Variants in DLGAP2 observed in about 807,000 individuals in gnomAD.
DLGAP2 encodes disks large-associated protein 2.
In DLGAP2, 26 loss-of-function variants were observed where a neutral mutation model predicts 100.3. The observed-to-expected ratio is 0.26, with a 90% CI of 0.19 to 0.36. The LOEUF is 0.36. DLGAP2 is among the 10% of genes least tolerant of loss of function. The pLI is 1.00. For missense variants in DLGAP2, 1,858 were observed against 1,453.2 expected, an observed-to-expected ratio of 1.28 and a Z score of -4.53; for synonymous variants, 886 against 630.1, an observed-to-expected ratio of 1.41 and a Z score of -6.08.
intron 3 of DLGAP2, among the ~76,000 whole-genome samples, chr8:1,408,658 T>C (rs1660133263): frequency 6.6e-6 from 1 of 152,180 alleles, no homozygotes; most frequent in East Asian, 1.9e-4. Context: ...AAATGTATCT[T>C]GGATGTTTGA....
At chr8:1,619,936 C>A (rs1231710235) in intron 6 of DLGAP2, 1 of 152,216 alleles carries the variant, frequency 6.6e-6, no homozygotes, top group Non-Finnish European at 1.5e-5. Context: ...TTGGCCTCAG[C>A]ATAGCGTTTC....
chr8:1,528,957 G>A (rs1209983229), intron 4 of DLGAP2, among the ~76,000 whole-genome samples: 2 of 152,142 alleles, frequency 1.3e-5, no homozygotes, highest in African/African-American at 4.8e-5. Flanking sequence ...TTGATTCCTA[G>A]CATTTCCTAA....
chr8:1,539,991 G>C (rs796134761), intron 4 of DLGAP2, among the ~76,000 whole-genome samples: 24 of 152,270 alleles, frequency 1.6e-4, no homozygotes, highest in African/African-American at 5.8e-4. Context: ...GCCCAGCAAA[G>C]TCCTGTTATT....
At chr8:1,254,967 C>CCTGCCCGGGCGCTGTGTGTGTGTCTT (rs1563043164) in intron 2 of DLGAP2, among the ~76,000 whole-genome samples, 1 of 77,658 alleles carries the variant, frequency 1.3e-5, no homozygotes, top group African/African-American at 7.9e-5. Flanking sequence ...TGTGTCCTCT[C>CCTGCCCGGGCGCTGTGTGTGTGTCTT]ATCCTGTCCG....
intron 3 of DLGAP2, among the ~76,000 whole-genome samples, chr8:1,440,527 G>C (rs1341415180): frequency 6.6e-6 from 1 of 152,244 alleles, no homozygotes; most frequent in Non-Finnish European, 1.5e-5. Flanking sequence ...AGTGGAATCT[G>C]TTAGCCGTGC....
chr8:1,697,965 G>A (rs751446465), intron 14 of DLGAP2, among the ~76,000 whole-genome samples: 3 of 152,280 alleles, frequency 2.0e-5, no homozygotes, highest in South Asian at 4.1e-4. Context: ...TTTTAAAGAC[G>A]TCCTGAGGAA....
chr8:1,456,164 C>T (rs189221767), intron 3 of DLGAP2, among the ~76,000 whole-genome samples: 20 of 152,348 alleles, frequency 1.3e-4, no homozygotes, highest in African/African-American at 4.3e-4. Context: ...TGAGCCACCT[C>T]TTTCCTAAGA....
chr8:1,056,708 G>T (rs2129034101), intron 2 of DLGAP2, among the ~76,000 whole-genome samples: 1 of 152,286 alleles, frequency 6.6e-6, no homozygotes, highest in South Asian at 2.1e-4. Flanking sequence ...AGACTGAGCT[G>T]GATTTGAATT....
At chr8:1,577,229 A>G (rs201557621) in intron 6 of DLGAP2, among the ~76,000 whole-genome samples, 1 of 144,700 alleles carries the variant, frequency 6.9e-6, no homozygotes, top group African/African-American at 2.5e-5. Context: ...ATCACAACAC[A>G]CTTTTTAACC....
chr8:1,050,940 TG>T (rs1360479603), intron 2 of DLGAP2, among the ~76,000 whole-genome samples: 4 of 128,006 alleles, frequency 3.1e-5, no homozygotes, highest in East Asian at 5.0e-4. Context: ...ATTTCGTGGG[TG>T]GGGGGTCATT....
intron 3 of DLGAP2, among the ~76,000 whole-genome samples, chr8:1,363,741 C>G (rs1802039129): frequency 6.6e-6 from 1 of 152,358 alleles, no homozygotes; most frequent in East Asian, 1.9e-4. Flanking sequence ...CAGCTCCTCT[C>G]TGGTGGCTGA....
At position 1,040,506 on chromosome 8, in the gene DLGAP2, G is replaced by A. The variant is rs73538165; in HGVS notation, c.73+132540G>A. On this transcript the variant is annotated intron_variant, in intron 2 of 14. Transcript: ENST00000637795. ...TCGGTTTCCGTGGTCGTCTCGGTGT[G>A]CGTGGTTGGCTCGGTTTCCGTGGTC... Among the ~76,000 whole-genome samples the A allele has an allele frequency of 5.9e-3, 850 of 143,132 alleles. 7 individuals are homozygous for A. The highest frequency in any genetic ancestry group is 0.021 in the African/African-American group (801 of 37,586). The allele number at this position is 143,132 out of a possible 152,430, so 93.9% of individuals were successfully genotyped here. A position where few individuals can be genotyped will look rare whatever the true frequency, so the allele number is the denominator to read the frequency against.
At chr8:1,498,944 C>A (rs906899256) in intron 3 of DLGAP2, among the ~76,000 whole-genome samples, 2 of 152,240 alleles carry the variant, frequency 1.3e-5, no homozygotes, top group Non-Finnish European at 1.5e-5. Context: ...CATGCATGTA[C>A]CCTCAGCCCA....
chr8:863,043 A>T (rs979560669), intron 1 of DLGAP2, among the ~76,000 whole-genome samples: 4 of 152,180 alleles, frequency 2.6e-5, no homozygotes, highest in African/African-American at 9.7e-5. Context: ...CATGCTGTGA[A>T]ATCTTGTACT....
At position 1,549,261 on chromosome 8, in the gene DLGAP2, C is replaced by A. The variant is rs866684095; in HGVS notation, c.808C>A (p.His270Asn). 1 of 1,610,860 alleles carries A rather than the reference C, an allele frequency of 6.2e-7. No individual in the cohort carries two copies. The highest frequency in any genetic ancestry group is 2.2e-5 in the East Asian group (1 of 44,780). The stretch of plus-strand genomic sequence containing the variant: ...CCGGGCGGACGACCACCACCACGCC[C>A]ACCACGCCAAGCACAGCAAGAGGAG... ...DGRADDHHHA[H>N]HAKHSKRSKS... Residue 270 changes from histidine to asparagine, a missense_variant, in exon 5 of 15, where the codon CAC (histidine) becomes AAC (asparagine). His to Asn is a moderately conservative substitution (Grantham distance 68). Coordinates refer to ENST00000637795, the MANE Select transcript of DLGAP2 (RefSeq NM_001346810.2).
chr8:1,351,724 AGTGT>A (rs1309352445), intron 3 of DLGAP2, among the ~76,000 whole-genome samples: 1 of 53,336 alleles, frequency 1.9e-5, no homozygotes. Flanking sequence ...GCGGGTCCTG[AGTGT>A]GTGTGGAAAG....
rs533212105 is a variant in DLGAP2, at chr8:892,677, C to T, written c.19-15235C>T. 2.1e-3 allele frequency among the ~76,000 whole-genome samples: 313 copies of T among 152,286 alleles called. 2 individuals carry two copies. Among genetic ancestry groups the T allele is most frequent in the Non-Finnish European group, 1.7e-3 (118 of 68,026 alleles). Reference sequence around the variant, plus strand: ...GTTCCCTGTGCTGGAAGCACAGTTCCGTTTCTGCTGCAGAACAGAGAGGCG... The same window carrying T: ...GTTCCCTGTGCTGGAAGCACAGTTCTGTTTCTGCTGCAGAACAGAGAGGCG... On this transcript the variant is annotated intron_variant, in intron 1 of 14. Transcript: ENST00000637795.
intron 2 of DLGAP2, among the ~76,000 whole-genome samples, chr8:996,188 ACT>A (rs921035001): frequency 1.3e-5 from 2 of 152,098 alleles, no homozygotes; most frequent in African/African-American, 4.8e-5. Flanking sequence ...GAAGGCAGGA[ACT>A]CTCTGGCTAG....
chr8:1,548,425 C>G (rs558330544), intron 4 of DLGAP2, among the ~76,000 whole-genome samples: 2 of 145,738 alleles, frequency 1.4e-5, no homozygotes, highest in South Asian at 4.5e-4. Flanking sequence ...CGCCATTGCA[C>G]TCCAGCCTGG....
Sources: allele counts gnomAD v4.1 joint callset (sites outside exome capture counted in the v4.1 genomes callset), GRCh38; gene constraint gnomAD v4.1.1; transcripts MANE v1.5; gene names NCBI Gene and HGNC (gene_info 2026-07-23, HGNC 2026-07-21).